Variants in F8 observed in about 807,000 individuals in gnomAD.
F8 encodes antihemophilic factor.
Under a neutral mutation model 140.6 loss-of-function variants are expected in F8, and 12 were observed. The observed-to-expected ratio is 0.09, with a 90% CI of 0.05 to 0.14. The LOEUF (loss-of-function observed/expected upper bound fraction) is 0.14. F8 is among the 10% of genes least tolerant of loss of function. The pLI is 1.00. For synonymous variants in F8, 585 were observed against 614.6 expected, an observed-to-expected ratio of 0.95 and a Z score of 0.71; for missense variants, 1,354 against 1,720.7, an observed-to-expected ratio of 0.79 and a Z score of 3.77.
intron 25 of F8, among the ~76,000 whole-genome samples, chrX:154,849,327 T>G (rs2148561433): frequency 8.9e-6 from 1 of 111,755 alleles, no homozygotes; most frequent in Admixed American, 9.5e-5. Context: ...TAAAGTCTAT[T>G]TTTCTGCTAT....
At chrX:154,972,745 T>C (rs2073465253) in intron 6 of F8, among the ~76,000 whole-genome samples, 1 of 86,284 alleles carries the variant, frequency 1.2e-5, no homozygotes, top group Admixed American at 1.4e-4. Context: ...AGACAGAGTC[T>C]CACTCTGTTG....
chrX:154,838,196 G>A (rs782234883), intron 25 of F8, among the ~76,000 whole-genome samples: 3 of 112,245 alleles, frequency 2.7e-5, no homozygotes, highest in South Asian at 3.7e-4. Flanking sequence ...GAATGATAAC[G>A]AATGCAACAC....
intron 12 of F8, among the ~76,000 whole-genome samples, chrX:154,949,507 C>T (rs1403341337): frequency 8.9e-6 from 1 of 112,205 alleles, no homozygotes; most frequent in African/African-American, 3.2e-5. Flanking sequence ...CCTTTTGACA[C>T]TCCACATGGA....
rs985815528 is a variant in F8 at position 154,872,141 on chromosome X, G to A, written c.6430-8914C>T. Among the ~76,000 whole-genome samples, 89 of 111,841 alleles carry A rather than the reference G, an allele frequency of 8.0e-4. 2 individuals carry two copies. Among genetic ancestry groups the A allele is most frequent in the Non-Finnish European group, 2.3e-4 (12 of 53,173 alleles). On this transcript the variant is annotated intron_variant, in intron 22 of 25. Transcript: ENST00000360256. Reference sequence around the variant, plus strand: ...CAACCATTGTGGAAGACAGTATGGCGATTCCTCAAGGATCTAGAACTAGAA... The same window carrying A: ...CAACCATTGTGGAAGACAGTATGGCAATTCCTCAAGGATCTAGAACTAGAA...
intron 12 of F8, among the ~76,000 whole-genome samples, chrX:154,949,810 C>T (rs2073327332): frequency 9.2e-6 from 1 of 109,122 alleles, no homozygotes; most frequent in South Asian, 4.2e-4. Flanking sequence ...GTCTGTCTGC[C>T]AGTCTGGAGT....
chrX:154,837,088 C>T lies in F8; in HGVS notation c.*509G>A, dbSNP rs2072480402. On this transcript the variant is annotated 3_prime_UTR_variant, in exon 26 of 26. Transcript: ENST00000360256. ...TATTCTCTCCATTTTGCAGATTGTC[C>T]AAATGATTTGCCTTTTGACTCCAAG... The T allele has an allele frequency of 1.6e-5, 2 of 122,708 alleles. No individual in the cohort carries two copies. The highest frequency in any genetic ancestry group is 6.4e-5 in the African/African-American group (2 of 31,023). The allele number at this position is 122,708 out of a possible 1,213,427, so 10.1% of individuals were successfully genotyped here.
intron 13 of F8, among the ~76,000 whole-genome samples, chrX:154,941,699 T>G (rs1442088886): frequency 9.6e-6 from 1 of 104,290 alleles, no homozygotes; most frequent in Non-Finnish European, 2.0e-5. Flanking sequence ...CCACCCCAAA[T>G]CAACAGAATA....
At chrX:154,844,593 G>T (rs1254227703) in intron 25 of F8, among the ~76,000 whole-genome samples, 4 of 110,463 alleles carry the variant, frequency 3.6e-5, no homozygotes, top group Non-Finnish European at 7.6e-5. Flanking sequence ...CTCTCTGTTT[G>T]TCTGTTGTTG....
At chrX:155,003,096 A>G (rs868926217) in intron 1 of F8, among the ~76,000 whole-genome samples, 1 of 111,993 alleles carries the variant, frequency 8.9e-6, no homozygotes. Flanking sequence ...AAGAGACTGA[A>G]CAAGCAAGCA....
rs782694619 is a variant in F8 at position 154,999,605 on chromosome X, G to A, written c.144-5C>T. 7.2e-5 allele frequency: 86 copies of A among 1,200,415 alleles called. 1 individual carries two copies. Among genetic ancestry groups the A allele is most frequent in the Middle Eastern group, 2.3e-4 (1 of 4,329 alleles). On this transcript the variant is annotated splice_polypyrimidine_tract_variant and splice_region_variant and intron_variant, in intron 1 of 25. Coordinates refer to ENST00000360256, the MANE Select transcript of F8 (RefSeq NM_000132.4). Reference sequence around the variant, plus strand: ...TTTGGCACTCTAGGAGGAAATCTGCGTGAAGAAAGGAAAAAGTCGTTCATT... The same window carrying A: ...TTTGGCACTCTAGGAGGAAATCTGCATGAAGAAAGGAAAAAGTCGTTCATT...
intron 11 of F8, among the ~76,000 whole-genome samples, 196 bp from the exon 12 acceptor site, chrX:154,954,238 C>T (rs1156266344): frequency 9.0e-6 from 1 of 111,616 alleles, no homozygotes; most frequent in African/African-American, 3.3e-5. Flanking sequence ...ATGCTTACAA[C>T]AAATGTGTCC....
chrX:154,942,366 C>T (rs1363102064), intron 13 of F8, among the ~76,000 whole-genome samples: 3 of 110,005 alleles, frequency 2.7e-5, no homozygotes, highest in African/African-American at 6.6e-5. Flanking sequence ...ATACAAACTA[C>T]CATCAGAGAA....
chrX:154,839,610 C>T (rs1056682941), intron 25 of F8, among the ~76,000 whole-genome samples: 4 of 111,005 alleles, frequency 3.6e-5, no homozygotes, highest in Non-Finnish European at 3.8e-5. Flanking sequence ...GATCCACCCG[C>T]CTCGGCCTCC....
In F8 at chrX:154,902,111, A is replaced by T; in HGVS notation, c.6055T>A (p.Cys2019Ser). 8.3e-7 allele frequency: 1 copy of T among 1,211,563 alleles called. No homozygotes were observed. Among genetic ancestry groups the T allele is most frequent in the Non-Finnish European group, 1.1e-6 (1 of 895,105 alleles). ...PSKAGIWRVE[C>S]LIGEHLHAGM... is the part of the protein sequence containing the mutation. ...GCATGTAGATGCTCGCCAATAAGGC[A>T]TTCCACCCGCCAAATTCCAGCTTTG... Residue 2019 changes from cysteine to serine, a missense_variant, in exon 19 of 26, where the codon TGC (cysteine) becomes AGC (serine). Transcript: ENST00000360256.
chrX:154,859,396 G>A (rs1185718270), intron 25 of F8, among the ~76,000 whole-genome samples: 2 of 105,942 alleles, frequency 1.9e-5, no homozygotes, highest in Admixed American at 1.0e-4. Flanking sequence ...TCTGCCTCCC[G>A]GGTTCATGCC....
At chrX:154,890,396 A>T (rs1557275089) in intron 22 of F8, among the ~76,000 whole-genome samples, 1 of 112,184 alleles carries the variant, frequency 8.9e-6, no homozygotes, top group Non-Finnish European at 1.9e-5. Context: ...AAATACAAAG[A>T]TTGAAGAATA....
intron 9 of F8, among the ~76,000 whole-genome samples, chrX:154,963,597 TC>T (rs1273609048): frequency 8.9e-6 from 1 of 111,854 alleles, no homozygotes; most frequent in Non-Finnish European, 1.9e-5. Context: ...AAATGGTTTT[TC>T]TTTTGTTGCT....
chrX:154,855,829 G>T (rs1256811055), intron 25 of F8, among the ~76,000 whole-genome samples: 1 of 111,139 alleles, frequency 9.0e-6, no homozygotes, highest in Non-Finnish European at 1.9e-5. Flanking sequence ...GTATGAAGGT[G>T]ACCCATGACA....
At chrX:154,932,392 T>C (rs781953543) in intron 13 of F8, among the ~76,000 whole-genome samples, 39 of 112,078 alleles carry the variant, frequency 3.5e-4, no homozygotes, top group African/African-American at 1.2e-3. Context: ...CAAGTTATAA[T>C]AGGCTAATTA....
Sources: gnomAD v4.1 joint callset for allele counts (sites outside exome capture counted in the v4.1 genomes callset) on GRCh38, gnomAD v4.1.1 for gene constraint, MANE v1.5 for transcripts, NCBI Gene and HGNC (gene_info 2026-07-23, HGNC 2026-07-21) for gene names.